Variants in PIGA observed in about 807,000 individuals in gnomAD.
PIGA encodes the protein phosphatidylinositol glycan anchor biosynthesis class A.
A neutral mutation model predicts 17.1 loss-of-function variants in PIGA; 3 were observed. That is an observed-to-expected ratio of 0.18 (90% CI 0.08 to 0.45). PIGA has a LOEUF of 0.45. Ranked by LOEUF, PIGA falls within the 20% of genes least tolerant of loss-of-function variation. The pLI, the probability that PIGA is intolerant of heterozygous loss-of-function variation, is 0.99. For missense variants in PIGA, 231 were observed against 374.1 expected, an observed-to-expected ratio of 0.62 and a Z score of 3.16; for synonymous variants, 126 against 135.1, an observed-to-expected ratio of 0.93 and a Z score of 0.47.
At chrX:15,324,365 T>C (rs1921905815) in intron 5 of PIGA, among the ~76,000 whole-genome samples, 1 of 112,454 alleles carries the variant, frequency 8.9e-6, no homozygotes, top group Admixed American at 9.4e-5. Context: ...TAAGAGTAGA[T>C]TTAATACTCG....
chrX:15,324,707 C>G lies in PIGA; in HGVS notation c.1146G>C (p.Lys382Asn). 3 of 1,208,784 alleles carry G rather than the reference C, an allele frequency of 2.5e-6. No homozygotes were observed. The highest frequency in any genetic ancestry group is 3.4e-6 in the Non-Finnish European group (3 of 892,889). ...CAACATTCCTCCAGGTGTAGAAAGT[C>G]TTTACTATGTTATGGATGTTTTCTG... ...PAPENIHNIV[K>N]TFYTWRNVAE... The change falls in exon 5 of 6, where the codon AAG becomes AAC. Residue 382 changes from lysine to asparagine, a missense_variant. Coordinates refer to ENST00000333590, the MANE Select transcript of PIGA (RefSeq NM_002641.4).
Position 15,325,047 on chromosome X carries a change from G to A in PIGA, c.954C>T (p.Ile318=), listed in dbSNP as rs1353341156. 2 of 1,204,896 alleles carry A rather than the reference G, an allele frequency of 1.7e-6. No individual in the cohort carries two copies. Among genetic ancestry groups the A allele is most frequent in the East Asian group, 3.0e-5 (1 of 33,790 alleles). ...TSLTEAFCMA[I]VEAASCGLQV... The stretch of plus-strand genomic sequence containing the variant: ...GTAAACCACAACTGGCTGCTTCCAC[G>A]ATCGCCATGCAGAATGCTTCAGTAA... The change falls in exon 4 of 6, where the codon ATC becomes ATT. Residue 318 remains isoleucine (I), a synonymous_variant. Coordinates refer to ENST00000333590, the MANE Select transcript of PIGA (RefSeq NM_002641.4).
intron 1 of PIGA, among the ~76,000 whole-genome samples, chrX:15,335,038 G>A (rs1423502850): frequency 1.8e-5 from 2 of 111,936 alleles, no homozygotes; most frequent in African/African-American, 3.3e-5. Flanking sequence ...GAACCTTAGG[G>A]AGACCTGGCA....
chrX:15,323,439 A>C (rs1921875436), intron 5 of PIGA, among the ~76,000 whole-genome samples: 2 of 111,169 alleles, frequency 1.8e-5, no homozygotes, highest in Non-Finnish European at 3.8e-5. Flanking sequence ...GGGGGACATC[A>C]AGATGGAGTA....
chrX:15,333,298 C>T (rs745868147), intron 1 of PIGA, among the ~76,000 whole-genome samples: 79 of 112,541 alleles, frequency 7.0e-4, no homozygotes, highest in African/African-American at 2.4e-3. Flanking sequence ...AAAACACACC[C>T]GGAGCTCGAA....
Position 15,321,526 on chromosome X carries a change from C to CA in PIGA, c.1434dup (p.Glu479Ter). ...TCCTTCTACCTGGTTTCAGATATCT[C>CA]ATTATTCTCACCCCCTCTTTTACTG... On this transcript the variant is annotated frameshift_variant, in exon 6 of 6. Transcript: ENST00000333590. LOFTEE classifies it high-confidence loss of function. The CA allele has an allele frequency of 8.3e-7, 1 of 1,207,141 alleles. No homozygotes were observed. Among genetic ancestry groups the CA allele is most frequent in the Non-Finnish European group, 1.1e-6 (1 of 891,279 alleles).
chrX:15,331,984 C>T lies in PIGA; in HGVS notation c.-54G>A. ...GAGCAACCCAGTTAAGAGATGTGTC[C>T]TCTATTACCTGAAAAAGAGTAAAAC... On this transcript the variant is annotated 5_prime_UTR_variant, in exon 2 of 6. Transcript: ENST00000333590. 6 of 1,120,435 alleles carry T rather than the reference C, an allele frequency of 5.4e-6. No individual in the cohort carries two copies. The highest frequency in any genetic ancestry group is 3.0e-5 in the East Asian group (1 of 33,168). 92.3% of individuals were successfully genotyped at this position (1,120,435 alleles called of 1,213,427 possible).
chrX:15,330,665 C>T (rs780471600), intron 2 of PIGA, among the ~76,000 whole-genome samples: 11 of 111,347 alleles, frequency 9.9e-5, no homozygotes, highest in Non-Finnish European at 1.9e-4. Flanking sequence ...TGCAGTGGCA[C>T]GATCTCTGCT....
chrX:15,326,160 G>A, intron 2 of PIGA, 114 bp from the exon 3 acceptor site: 1 of 446,419 alleles, frequency 2.2e-6, no homozygotes, highest in Non-Finnish European at 3.7e-6. Context: ...CTCCATAAAG[G>A]AGAGAAACTC....
intron 5 of PIGA, among the ~76,000 whole-genome samples, chrX:15,322,276 G>T (rs1364062473): frequency 9.0e-6 from 1 of 111,653 alleles, no homozygotes; most frequent in East Asian, 2.8e-4. Context: ...CATACTTCTG[G>T]GAACACAGAG....
rs1370972850 is a variant in PIGA at position 15,320,148 on chromosome X, A to AT, written c.*1357dup. The AT allele has an allele frequency of 1.8e-5, 2 of 112,866 alleles. No homozygotes were observed. The highest frequency in any genetic ancestry group is 6.4e-5 in the African/African-American group (2 of 31,089). The allele number at this position is 112,866 out of a possible 1,213,427, so 9.3% of individuals were successfully genotyped here. ...ATATCAGTGCAACCAGTTAATAGGC[A>AT]TGTTATTTTTTAAAAAGTAATAAAT... On this transcript the variant is annotated 3_prime_UTR_variant, in exon 6 of 6. Coordinates refer to ENST00000333590, the MANE Select transcript of PIGA (RefSeq NM_002641.4).
intron 1 of PIGA, among the ~76,000 whole-genome samples, chrX:15,334,352 G>A (rs967119859): frequency 9.1e-6 from 1 of 109,648 alleles, no homozygotes; most frequent in African/African-American, 3.3e-5. Context: ...CACAAGCCCA[G>A]CTAATTTTTG....
chrX:15,323,565 C>G (rs777979999), intron 5 of PIGA, among the ~76,000 whole-genome samples: 1 of 111,434 alleles, frequency 9.0e-6, no homozygotes, highest in Admixed American at 9.5e-5. Flanking sequence ...TGTAGAAGGT[C>G]AGAATGTCTC....
intron 2 of PIGA, among the ~76,000 whole-genome samples, chrX:15,330,299 C>CT (rs1922116405): frequency 8.9e-6 from 1 of 111,798 alleles, no homozygotes; most frequent in Non-Finnish European, 1.9e-5. Context: ...ATCTAATCCC[C>CT]TTTTCTTCAT....
chrX:15,335,469 C>A, intron 1 of PIGA, 32 bp downstream of exon 1: 1 of 991,080 alleles, frequency 1.0e-6, no homozygotes, highest in Admixed American at 5.0e-5. Context: ...CGGCCCAGAG[C>A]GCTGGAGAGG....
chrX:15,320,779 CCTGGCATTAA>C lies in PIGA; in HGVS notation c.*717_*726del, dbSNP rs1236044330. 1 of 111,745 alleles carries C rather than the reference CCTGGCATTAA, an allele frequency of 8.9e-6. No homozygotes were observed. Among genetic ancestry groups the C allele is most frequent in the Non-Finnish European group, 1.9e-5 (1 of 53,124 alleles). 9.2% of individuals were successfully genotyped at this position (111,745 alleles called of 1,213,427 possible). On this transcript the variant is annotated 3_prime_UTR_variant, in exon 6 of 6. Coordinates refer to ENST00000333590, the MANE Select transcript of PIGA (RefSeq NM_002641.4). The stretch of plus-strand genomic sequence containing the variant: ...CTAGTAGTGTGTCGGTGATTTTTTT[CCTGGCATTAA>C]CTGGCATGAGCATTTTTGGCATGTT...
At position 15,321,330 on chromosome X, in the gene PIGA, T is replaced by G. The variant is rs1476537969; in HGVS notation, c.*176A>C. On this transcript the variant is annotated 3_prime_UTR_variant, in exon 6 of 6. Coordinates refer to ENST00000333590, the MANE Select transcript of PIGA (RefSeq NM_002641.4). ...AAATAAGTGCAAGAAGTTTCTACAC[T>G]CAGGAATTGCATACATTTTTATCTT... 2.4e-6 allele frequency: 1 copy of G among 422,631 alleles called. No individual in the cohort carries two copies. Among genetic ancestry groups the G allele is most frequent in the African/African-American group, 2.5e-5 (1 of 40,329 alleles). 34.8% of individuals were successfully genotyped at this position (422,631 alleles called of 1,213,427 possible).
chrX:15,328,240 C>A (rs926567081), intron 2 of PIGA: 1 of 112,122 alleles, frequency 8.9e-6, no homozygotes, highest in African/African-American at 3.2e-5. Context: ...GACTCAATTT[C>A]ATGTAGATAA....
rs778444082 is a variant in PIGA at position 15,321,653 on chromosome X, G to A, written c.1308C>T (p.Phe436=). ...YIFALLAVFN[F]LFLIFLRWMT... ...TCCATCTCAAGAAAATGAGGAAGAG[G>A]AAGTTGAAAACTGCCAACAAAGCAA... Residue 436 remains phenylalanine (F), a synonymous_variant, in exon 6 of 6, where the codon TTC becomes TTT. Coordinates refer to ENST00000333590, the MANE Select transcript of PIGA (RefSeq NM_002641.4). 3.3e-6 allele frequency: 4 copies of A among 1,210,635 alleles called. No individual in the cohort carries two copies. The African/African-American group carries it at 5.2e-5, about 16-fold the overall frequency.
Sources: allele counts gnomAD v4.1 joint callset (sites outside exome capture counted in the v4.1 genomes callset), GRCh38; gene constraint gnomAD v4.1.1; transcripts MANE v1.5; gene names NCBI Gene and HGNC (gene_info 2026-07-23, HGNC 2026-07-21).